The following CUL3 variants were observed in gnomAD, a reference collection of about 807,000 sequenced individuals.
CUL3 encodes cullin-3.
A neutral mutation model predicts 89.1 loss-of-function variants in CUL3; 19 were observed. That is an observed-to-expected ratio of 0.21 (90% CI 0.15 to 0.31). CUL3 has a LOEUF of 0.31. CUL3 is among the 10% of genes least tolerant of loss of function. CUL3 has a pLI of 1.00. For missense variants in CUL3, 469 were observed against 942.3 expected (o/e 0.50, Z 6.58); for synonymous variants, 351 against 308.4 (o/e 1.14, Z -1.45).
In CUL3 at chr2:224,503,188, T is replaced by C. The variant is rs145922364; in HGVS notation, c.1378-116A>G. 27 of 750,516 alleles carry C rather than the reference T, an allele frequency of 3.6e-5. No individual in the cohort carries two copies. The East Asian group carries it at 6.7e-4, about 19-fold the overall frequency. 46.5% of individuals were successfully genotyped at this position (750,516 alleles called of 1,614,324 possible). ...TATCCCTGATAATCTTCCTGTAAATTTTTCCAACAGTTGCTCTGTGCCTGT... is the reference window on the plus strand; with the variant it reads ...TATCCCTGATAATCTTCCTGTAAATCTTTCCAACAGTTGCTCTGTGCCTGT... On this transcript the variant is annotated intron_variant, in intron 9 of 15. Transcript: ENST00000264414.
At chr2:224,558,857 A>ACGGTGAAACC (rs1553536017) in intron 1 of CUL3, among the ~76,000 whole-genome samples, 1 of 56,390 alleles carries the variant, frequency 1.8e-5, no homozygotes, top group Admixed American at 1.6e-4. Flanking sequence ...CCTGGCTAAT[A>ACGGTGAAACC]CGGTCTCTAC....
chr2:224,506,751 A>C (rs967774357), intron 7 of CUL3, 107 bp downstream of exon 7: 1 of 904,244 alleles, frequency 1.1e-6, no homozygotes, highest in African/African-American at 1.7e-5. Context: ...TACTACTGGG[A>C]CAATTAAGTT....
At chr2:224,523,712 T>G (rs541583089) in intron 3 of CUL3, among the ~76,000 whole-genome samples, 3 of 152,164 alleles carry the variant, frequency 2.0e-5, no homozygotes, top group Non-Finnish European at 4.4e-5. Context: ...GGTCTACACA[T>G]AGAATGCGGT....
intron 2 of CUL3, among the ~76,000 whole-genome samples, chr2:224,551,642 C>T (rs1378669342): frequency 6.6e-6 from 1 of 152,074 alleles, no homozygotes; most frequent in Non-Finnish European, 1.5e-5. Context: ...CTGCACTCAG[C>T]CTGCTGCCTT....
chr2:224,478,192 G>C lies in CUL3; in HGVS notation c.2175+8C>G, dbSNP rs1352971966. Reference sequence around the variant, plus strand: ...TTCTATATTAGCCCAGTAGTGAAGAGTCCTCACCTCCGCTACTAGAACATT... The same window carrying C: ...TTCTATATTAGCCCAGTAGTGAAGACTCCTCACCTCCGCTACTAGAACATT... On this transcript the variant is annotated splice_region_variant and intron_variant, in intron 15 of 15. Coordinates refer to ENST00000264414, the MANE Select transcript of CUL3 (RefSeq NM_003590.5). 1 of 1,609,276 alleles carries C rather than the reference G, an allele frequency of 6.2e-7. No homozygotes were observed. The highest frequency in any genetic ancestry group is 8.5e-7 in the Non-Finnish European group (1 of 1,177,172).
At chr2:224,558,662 G>A (rs952227116) in intron 1 of CUL3, among the ~76,000 whole-genome samples, 7 of 152,054 alleles carry the variant, frequency 4.6e-5, no homozygotes, top group African/African-American at 1.4e-4. Flanking sequence ...AAACAGAATC[G>A]ACATTTTAAC....
intron 13 of CUL3, among the ~76,000 whole-genome samples, chr2:224,492,052 G>A (rs1242229402): frequency 6.6e-6 from 1 of 152,068 alleles, no homozygotes; most frequent in Non-Finnish European, 1.5e-5. Context: ...AAGGAGCAAG[G>A]CAGAATGATG....
chr2:224,542,550 C>A (rs1288140960), intron 2 of CUL3, among the ~76,000 whole-genome samples: 1 of 143,140 alleles, frequency 7.0e-6, no homozygotes, highest in Non-Finnish European at 1.5e-5. Flanking sequence ...TGGCTGTGTG[C>A]GTGTGCGTGT....
chr2:224,493,096 C>A (rs1692044739), intron 13 of CUL3, among the ~76,000 whole-genome samples: 1 of 152,128 alleles, frequency 6.6e-6, no homozygotes, highest in Non-Finnish European at 1.5e-5. Flanking sequence ...CCTCATGAAC[C>A]CCAAGCCAGA....
intron 1 of CUL3, among the ~76,000 whole-genome samples, chr2:224,576,932 T>C (rs956844593): frequency 2.0e-5 from 3 of 152,214 alleles, no homozygotes; most frequent in Admixed American, 6.5e-5. Context: ...AGTATCCCAG[T>C]GGTACTAAAC....
At chr2:224,518,844 C>G (rs1249415472) in intron 3 of CUL3, among the ~76,000 whole-genome samples, 1 of 152,128 alleles carries the variant, frequency 6.6e-6, no homozygotes, top group Non-Finnish European at 1.5e-5. Context: ...CTTGGATTTC[C>G]CCTGTCCCAA....
chr2:224,490,756 A>G (rs527465443), intron 13 of CUL3, among the ~76,000 whole-genome samples: 16 of 152,026 alleles, frequency 1.1e-4, no homozygotes, highest in South Asian at 8.3e-4. Flanking sequence ...ACCTACAAAT[A>G]TATTAGTTTG....
intron 1 of CUL3, among the ~76,000 whole-genome samples, chr2:224,573,539 G>A (rs1215763763): frequency 6.6e-6 from 1 of 152,086 alleles, no homozygotes; most frequent in Non-Finnish European, 1.5e-5. Flanking sequence ...AGCTTACGAA[G>A]GAAGCTTACG....
chr2:224,486,995 G>A (rs1347583324), intron 13 of CUL3, among the ~76,000 whole-genome samples: 3 of 152,134 alleles, frequency 2.0e-5, no homozygotes, highest in African/African-American at 4.8e-5. Flanking sequence ...GTTCAACCCA[G>A]AATATCATAT....
rs1402202080 is a variant in CUL3, at chr2:224,478,181, A to G, written c.2175+19T>C. The G allele has an allele frequency of 1.9e-6, 3 of 1,584,974 alleles. No homozygotes were observed. The highest frequency in any genetic ancestry group is 3.6e-5 in the Admixed American group (2 of 56,296). On this transcript the variant is annotated intron_variant, in intron 15 of 15. Transcript: ENST00000264414. ...GTTACTGTTTTTTCTATATTAGCCC[A>G]GTAGTGAAGAGTCCTCACCTCCGCT...
chr2:224,585,304 C>G lies in CUL3; in HGVS notation c.-295G>C. ...CGGCTCCCTTTATCGCGCTCCTCCG[C>G]GATGGCGGCGGCGGCGGCGACGGAC... On this transcript the variant is annotated 5_prime_UTR_variant, in exon 1 of 16. Coordinates refer to ENST00000264414, the MANE Select transcript of CUL3 (RefSeq NM_003590.5). The G allele has an allele frequency of 2.5e-6, 1 of 401,832 alleles. No homozygotes were observed. Among genetic ancestry groups the G allele is most frequent in the Non-Finnish European group, 4.4e-6 (1 of 229,210 alleles). 24.9% of individuals were successfully genotyped at this position (401,832 alleles called of 1,614,324 possible).
chr2:224,539,882 C>A (rs1694032462), intron 2 of CUL3, among the ~76,000 whole-genome samples: 1 of 152,072 alleles, frequency 6.6e-6, no homozygotes, highest in African/African-American at 2.4e-5. Context: ...AGACTGAGTT[C>A]ATTCCAAAAG....
At chr2:224,535,455 C>A in intron 3 of CUL3, 73 bp downstream of exon 3, 1 of 1,018,952 alleles carries the variant, frequency 9.8e-7, no homozygotes, top group Non-Finnish European at 1.4e-6. Flanking sequence ...CAGGCGTGAG[C>A]CACCGTGCCC....
chr2:224,521,847 T>C (rs1001814588), intron 3 of CUL3, among the ~76,000 whole-genome samples: 2 of 152,284 alleles, frequency 1.3e-5, no homozygotes, highest in East Asian at 3.9e-4. Flanking sequence ...AGTTGGTCTT[T>C]TAAGCTAACT....
Sources: allele counts gnomAD v4.1 joint callset (sites outside exome capture counted in the v4.1 genomes callset), GRCh38; gene constraint gnomAD v4.1.1; transcripts MANE v1.5; gene names NCBI Gene and HGNC (gene_info 2026-07-23, HGNC 2026-07-21).